The following LRRK1 variants were observed in gnomAD, a reference collection of about 807,000 sequenced individuals.
LRRK1 encodes leucine-rich repeat serine/threonine-protein kinase 1.
LRRK1 carries 113 observed loss-of-function variants against 209.1 expected under a neutral mutation model. The ratio of observed to expected loss-of-function variants is 0.54; its 90% CI spans 0.46 to 0.63. LRRK1 has a LOEUF of 0.63. Among genes scored for constraint, LRRK1 ranks in the 30% least tolerant of loss-of-function variants. The probability of loss-of-function intolerance (pLI) is 0.00; values close to 1 mark genes in which losing one functional copy is unlikely to be tolerated. For synonymous variants in LRRK1, 1,144 were observed against 1,099.7 expected, an observed-to-expected ratio of 1.04 and a Z score of -0.80; for missense variants, 2,284 against 2,632.2, an observed-to-expected ratio of 0.87 and a Z score of 2.89.
rs528922345 is a variant in LRRK1 at position 100,932,771 on chromosome 15, C to T, written c.97+8042C>T. Among the ~76,000 whole-genome samples the T allele has an allele frequency of 5.7e-4, 87 of 152,296 alleles. 1 individual carries two copies. Among genetic ancestry groups the T allele is most frequent in the African/African-American group, 2.0e-3 (82 of 41,574 alleles). On this transcript the variant is annotated intron_variant, in intron 2 of 33. Coordinates refer to ENST00000388948, the MANE Select transcript of LRRK1 (RefSeq NM_024652.6). ...TGCCTGCACCTCTCTATTGCTGATC[C>T]GTTGAAACAGTGCCTGTTGACTTCC...
At position 101,027,531 on chromosome 15, in the gene LRRK1, T is replaced by C; in HGVS notation, c.2527-107T>C. On this transcript the variant is annotated intron_variant, in intron 18 of 33. Coordinates refer to ENST00000388948, the MANE Select transcript of LRRK1 (RefSeq NM_024652.6). This position sits in a 1 kb window ranked among gnomAD's most constrained non-coding sequence, Gnocchi z 5.1. ...GAGGGTCAGGATGGAAGATAGTGGGTGGAAACGTCCCACCCCCTCAGGCCA... is the reference window on the plus strand; with the variant it reads ...GAGGGTCAGGATGGAAGATAGTGGGCGGAAACGTCCCACCCCCTCAGGCCA... 6.7e-7 allele frequency: 1 copy of C among 1,500,234 alleles called. No homozygotes were observed. Among genetic ancestry groups the C allele is most frequent in the Non-Finnish European group, 9.0e-7 (1 of 1,114,216 alleles). The allele number at this position is 1,500,234 out of a possible 1,614,324, so 92.9% of individuals were successfully genotyped here.
intron 12 of LRRK1, among the ~76,000 whole-genome samples, chr15:101,020,251 C>T (rs569031182): frequency 6.6e-6 from 1 of 152,096 alleles, no homozygotes; most frequent in South Asian, 2.1e-4. Flanking sequence ...TCTGTGCATA[C>T]ACATGTGCAG....
intron 3 of LRRK1, among the ~76,000 whole-genome samples, chr15:100,983,305 T>A (rs543433454): frequency 6.6e-6 from 1 of 152,332 alleles, no homozygotes; most frequent in African/African-American, 2.4e-5. Context: ...AGCTTACCCT[T>A]TCTGTACTAG....
chr15:101,044,051 C>T (rs1243957785), intron 20 of LRRK1: 2 of 152,204 alleles, frequency 1.3e-5, no homozygotes, highest in African/African-American at 2.4e-5. Flanking sequence ...CGTTTCATCT[C>T]AGCACAGGCA....
chr15:101,062,141 T>TC (rs2036221950), intron 30 of LRRK1, among the ~76,000 whole-genome samples: 1 of 152,142 alleles, frequency 6.6e-6, no homozygotes, highest in Non-Finnish European at 1.5e-5. Context: ...AGCGTGCTGT[T>TC]GCATGGGAAG....
intron 4 of LRRK1, 95 bp downstream of exon 4, chr15:100,983,794 A>T: frequency 8.0e-7 from 1 of 1,252,660 alleles, no homozygotes; most frequent in Non-Finnish European, 1.2e-6. Flanking sequence ...TTTCACCAAT[A>T]ATGAGATCAA....
intron 29 of LRRK1, among the ~76,000 whole-genome samples, chr15:101,058,703 G>C (rs564624337): frequency 1.3e-5 from 2 of 150,940 alleles, no homozygotes; most frequent in East Asian, 3.9e-4. Context: ...GAGTGATACA[G>C]AGATGGACCA....
chr15:101,012,435 C>G (rs1395536512), intron 10 of LRRK1, among the ~76,000 whole-genome samples: 1 of 152,216 alleles, frequency 6.6e-6, no homozygotes, highest in African/African-American at 2.4e-5. Flanking sequence ...ACACTGAGAG[C>G]TCCAGGAAGG....
rs756852396 is a variant in LRRK1, at chr15:101,066,698, C to G, written c.5827C>G (p.Arg1943Gly). ...LEKDSGAQRG[R>G]VIAVLKAREL... is the part of the protein sequence containing the mutation. ...GAAGGATTCTGGCGCCCAGCGGGGC[C>G]GAGTCATTGCCGTCTTAAAAGCCCG... The change falls in exon 33 of 34, where the codon CGA becomes GGA. Residue 1943 changes from arginine (R) to glycine (G), a missense_variant. This residue lies in a region of LRRK1 where 643 missense variants were observed against 695.9 expected (regional missense o/e 0.92). Transcript: ENST00000388948. The G allele has an allele frequency of 1.2e-6, 2 of 1,614,174 alleles. No individual in the cohort carries two copies.
At chr15:100,984,538 T>C (rs1309781035) in intron 4 of LRRK1, among the ~76,000 whole-genome samples, 1 of 144,800 alleles carries the variant, frequency 6.9e-6, no homozygotes, top group Non-Finnish European at 1.5e-5. Flanking sequence ...TTTTTTACTA[T>C]CTTTGCCTTT....
chr15:100,983,632 C>T lies in LRRK1; in HGVS notation c.366C>T (p.Asn122=), dbSNP rs1278511321. 1 of 1,608,834 alleles carries T rather than the reference C, an allele frequency of 6.2e-7. No individual in the cohort carries two copies. The highest frequency in any genetic ancestry group is 2.2e-5 in the East Asian group (1 of 44,800). ...TGCCCACCGAGCCCACGGATGACAA[C>T]CCAGCCGTGGTGGCAGCGTATTTTG... ...VELPTEPTDD[N]PAVVAAYFGH... Residue 122 remains asparagine (N), a synonymous_variant, in exon 4 of 34, where the codon AAC becomes AAT. Coordinates refer to ENST00000388948, the MANE Select transcript of LRRK1 (RefSeq NM_024652.6).
intron 6 of LRRK1, chr15:100,989,717 T>A: frequency 2.0e-6 from 1 of 498,168 alleles, no homozygotes; most frequent in Non-Finnish European, 3.5e-6. Context: ...TAATCACCTC[T>A]TAATGGTCCC....
intron 21 of LRRK1, among the ~76,000 whole-genome samples, chr15:101,046,472 T>G (rs1015008458): frequency 6.6e-6 from 1 of 152,152 alleles, no homozygotes; most frequent in African/African-American, 2.4e-5. Context: ...AGGTTCTGAT[T>G]CAGTAGGTGT....
At chr15:100,948,186 C>G (rs565321506) in intron 2 of LRRK1, among the ~76,000 whole-genome samples, 2 of 152,316 alleles carry the variant, frequency 1.3e-5, no homozygotes, top group African/African-American at 4.8e-5. Context: ...ATGTAGGTTT[C>G]TGTTTCTGAG....
chr15:101,007,534 G>A (rs1298405776), intron 6 of LRRK1, among the ~76,000 whole-genome samples: 1 of 152,238 alleles, frequency 6.6e-6, no homozygotes, highest in Non-Finnish European at 1.5e-5. Context: ...AAGACATTTT[G>A]TTTAGCAGGA....
chr15:101,020,202 C>G (rs143503334), intron 12 of LRRK1, among the ~76,000 whole-genome samples: 1 of 152,250 alleles, frequency 6.6e-6, no homozygotes, highest in Non-Finnish European at 1.5e-5. Flanking sequence ...TTCAGTGCAT[C>G]TCTGGTAACC....
chr15:100,968,650 CTTTT>C (rs1362167176), intron 2 of LRRK1, among the ~76,000 whole-genome samples: 4 of 151,368 alleles, frequency 2.6e-5, no homozygotes, highest in African/African-American at 7.3e-5. Context: ...TCTTCCTTTT[CTTTT>C]TCTTTCTTTC....
Position 101,058,042 on chromosome 15 carries a change from C to T in LRRK1, c.4580C>T (p.Thr1527Ile), listed in dbSNP as rs369644113. Residue 1527 changes from threonine (T) to isoleucine (I), a missense_variant, in exon 29 of 34, where the codon ACC (threonine) becomes ATC (isoleucine). Thr to Ile is a moderately conservative substitution (Grantham distance 89). This residue lies in a region of LRRK1 where 643 missense variants were observed against 695.9 expected (regional missense o/e 0.92). Transcript: ENST00000388948. ...CAGATGAAGGACCCGACTTTTGCCA[C>T]CTTCATGTATGAACTGTGCTGTGGG... The part of the protein sequence containing the change: ...VSQMKDPTFA[T>I]FMYELCCGKQ... The T allele has an allele frequency of 1.9e-6, 3 of 1,614,046 alleles. No individual in the cohort carries two copies. The highest frequency in any genetic ancestry group is 2.5e-6 in the Non-Finnish European group (3 of 1,180,036).
chr15:101,021,773 T>C (rs1451884379), intron 13 of LRRK1, 72 bp from the exon 14 acceptor site: 2 of 863,156 alleles, frequency 2.3e-6, no homozygotes, highest in East Asian at 2.7e-5. Flanking sequence ...GCCACGTGTG[T>C]GCGTGTGTGT....
Sources: allele counts gnomAD v4.1 joint callset (sites outside exome capture counted in the v4.1 genomes callset), GRCh38; gene constraint gnomAD v4.1.1; regional missense constraint gnomAD v4.1.1; non-coding constraint Gnocchi (gnomAD v3.1); transcripts MANE v1.5; gene names NCBI Gene and HGNC (gene_info 2026-07-23, HGNC 2026-07-21).